The following CDH7 variants were observed in gnomAD, a reference collection of about 807,000 sequenced individuals.
The protein encoded by CDH7 is cadherin-7.
A neutral mutation model predicts 71.8 loss-of-function variants in CDH7; 25 were observed. The ratio of observed to expected loss-of-function variants is 0.35; its 90% CI spans 0.25 to 0.49. The LOEUF is 0.49. Ranked by LOEUF, CDH7 falls within the 20% of genes least tolerant of loss-of-function variation. The pLI, the probability that CDH7 is intolerant of heterozygous loss-of-function variation, is 0.99. For synonymous variants in CDH7, 381 were observed against 363.8 expected (o/e 1.05, Z -0.54); for missense variants, 862 against 974.6 (o/e 0.88, Z 1.54).
chr18:65,860,294 C>G (rs1334911302), intron 10 of CDH7, among the ~76,000 whole-genome samples: 1 of 151,932 alleles, frequency 6.6e-6, no homozygotes, highest in East Asian at 1.9e-4. Flanking sequence ...GTAATTCATG[C>G]AAATAATAAT....
At chr18:65,872,171 T>A (rs141758885) in intron 11 of CDH7, among the ~76,000 whole-genome samples, 18 of 152,086 alleles carry the variant, frequency 1.2e-4, no homozygotes, top group African/African-American at 4.3e-4. Flanking sequence ...CCACACAATT[T>A]CCCATGAAGT....
intron 11 of CDH7, among the ~76,000 whole-genome samples, chr18:65,878,436 T>C (rs150175660): frequency 2.6e-5 from 4 of 152,268 alleles, no homozygotes; most frequent in East Asian, 1.9e-4. Flanking sequence ...TGTAGGAAGG[T>C]TGGACAAGGC....
Position 65,852,764 on chromosome 18 carries a change from G to A in CDH7, c.1236-5052G>A, listed in dbSNP as rs1277643812. On this transcript the variant is annotated intron_variant, in intron 7 of 11. Coordinates refer to ENST00000397968, the MANE Select transcript of CDH7 (RefSeq NM_004361.5). ...AATAAAAGCATGGTTCTCTTAACAA[G>A]AAGTAAGAGAAATATAATTATTAGG... Among the ~76,000 whole-genome samples, 4 of 152,176 alleles carry A rather than the reference G, an allele frequency of 2.6e-5. No homozygotes were observed. In the East Asian group the frequency reaches 7.7e-4, roughly 29 times the overall value.
At chr18:65,862,987 A>T (rs1913632235) in intron 11 of CDH7, 70 bp downstream of exon 11, 9 of 1,498,924 alleles carry the variant, frequency 6.0e-6, no homozygotes, top group African/African-American at 1.4e-5. Context: ...CTTGCCTATT[A>T]TCTTCTCCAT....
intron 11 of CDH7, among the ~76,000 whole-genome samples, chr18:65,868,072 A>T (rs1913819221): frequency 1.1e-5 from 1 of 92,546 alleles, no homozygotes; most frequent in African/African-American, 3.8e-5. Flanking sequence ...GGAGAAAAAA[A>T]GTGGCAGCAC....
At chr18:65,841,282 C>T (rs1303583964) in intron 6 of CDH7, among the ~76,000 whole-genome samples, 2 of 152,014 alleles carry the variant, frequency 1.3e-5, no homozygotes, top group East Asian at 3.8e-4. Flanking sequence ...TTTAAAAAAA[C>T]AAGTTGCTGT....
intron 11 of CDH7, among the ~76,000 whole-genome samples, chr18:65,872,198 C>T (rs533963767): frequency 2.6e-5 from 4 of 152,130 alleles, no homozygotes; most frequent in African/African-American, 9.6e-5. Context: ...TCAGATAGGA[C>T]ACACATGCCA....
chr18:65,780,752 T>C (rs574132960), intron 2 of CDH7, among the ~76,000 whole-genome samples: 38 of 151,882 alleles, frequency 2.5e-4, no homozygotes, highest in African/African-American at 8.5e-4. Context: ...GCCTCCAGCT[T>C]TGTTCTTTTG....
intron 6 of CDH7, among the ~76,000 whole-genome samples, chr18:65,843,341 A>G (rs532086613): frequency 5.3e-5 from 8 of 152,130 alleles, no homozygotes; most frequent in Non-Finnish European, 1.2e-4. Context: ...CCCTGAAGCC[A>G]CACTTTGAGT....
intron 11 of CDH7, among the ~76,000 whole-genome samples, chr18:65,872,433 G>C (rs1298342527): frequency 6.6e-6 from 1 of 152,182 alleles, no homozygotes; most frequent in Non-Finnish European, 1.5e-5. Context: ...TTTCAGGAAA[G>C]TGTTTCCACT....
rs1473075603 is a variant in CDH7, at chr18:65,782,147, TTTC to T, written c.210+19098_210+19100del. 4.4e-5 allele frequency among the ~76,000 whole-genome samples: 5 copies of T among 113,180 alleles called. 1 individual carries two copies. The highest frequency in any genetic ancestry group is 1.9e-4 in the African/African-American group (4 of 21,044). 74.3% of individuals were successfully genotyped at this position (113,180 alleles called of 152,430 possible). ...CTTTCTTTCTTTCTTTCTTTCTTTC[TTTC>T]TTTCTTTCTTTCTTCCTTTCTTTCT... On this transcript the variant is annotated intron_variant, in intron 2 of 11. Transcript: ENST00000397968.
intron 2 of CDH7, among the ~76,000 whole-genome samples, chr18:65,807,667 G>C (rs1911374050): frequency 6.6e-6 from 1 of 152,194 alleles, no homozygotes; most frequent in African/African-American, 2.4e-5. Flanking sequence ...CCGGGGACTG[G>C]AAGCTTAAAA....
At chr18:65,869,952 T>C (rs1913879977) in intron 11 of CDH7, among the ~76,000 whole-genome samples, 1 of 152,162 alleles carries the variant, frequency 6.6e-6, no homozygotes, top group African/African-American at 2.4e-5. Context: ...CGCTATATTT[T>C]TAGGACATTT....
At chr18:65,758,250 C>T (rs1210729703) in intron 1 of CDH7, among the ~76,000 whole-genome samples, 3 of 152,108 alleles carry the variant, frequency 2.0e-5, no homozygotes, top group Non-Finnish European at 1.5e-5. Flanking sequence ...CTTCAGAGCC[C>T]TTATTTCTTT....
chr18:65,858,965 T>C lies in CDH7; in HGVS notation c.1413T>C (p.Thr471=). ...TAGGAAGAGGCTATGTGGCCATCAC[T>C]ATACTTGACATCAATGATAACGCCC... ...SQVGRGYVAI[T]ILDINDNAPE... Residue 471 remains threonine (T), a synonymous_variant, in exon 9 of 12, where the codon ACT becomes ACC. Coordinates refer to ENST00000397968, the MANE Select transcript of CDH7 (RefSeq NM_004361.5). 1.9e-6 allele frequency: 3 copies of C among 1,611,648 alleles called. No homozygotes were observed. The highest frequency in any genetic ancestry group is 1.7e-6 in the Non-Finnish European group (2 of 1,177,814).
rs192692288 is a variant in CDH7 at position 65,838,288 on chromosome 18, A to C, written c.982-5524A>C. Among the ~76,000 whole-genome samples the C allele has an allele frequency of 2.3e-3, 344 of 152,314 alleles. 1 individual carries two copies. Among genetic ancestry groups the C allele is most frequent in the African/African-American group, 8.0e-3 (332 of 41,572 alleles). On this transcript the variant is annotated intron_variant, in intron 6 of 11. Transcript: ENST00000397968. The stretch of plus-strand genomic sequence containing the variant: ...TTTTCCCATAGGTATGGTCTCACTC[A>C]AGCCCATTTACTTAGGAAAAAAGAT...
rs190472426 is a variant in CDH7 at position 65,880,998 on chromosome 18, C to A, written c.*104C>A. 4.8e-5 allele frequency: 54 copies of A among 1,116,516 alleles called. No homozygotes were observed. In the African/African-American group the frequency reaches 7.9e-4, roughly 16 times the overall value. 69.2% of individuals were successfully genotyped at this position (1,116,516 alleles called of 1,614,324 possible). A position where few individuals can be genotyped will look rare whatever the true frequency, so the allele number is the denominator to read the frequency against. The stretch of plus-strand genomic sequence containing the variant: ...CACTACATACAGAAAACAAGAACTC[C>A]CCTTGCTGGAGACAGATGGTTGTAA... On this transcript the variant is annotated 3_prime_UTR_variant, in exon 12 of 12. Coordinates refer to ENST00000397968, the MANE Select transcript of CDH7 (RefSeq NM_004361.5).
At chr18:65,758,189 G>T (rs1234440877) in intron 1 of CDH7, among the ~76,000 whole-genome samples, 1 of 152,154 alleles carries the variant, frequency 6.6e-6, no homozygotes, top group Admixed American at 6.5e-5. Context: ...TTTAAGTTTG[G>T]ATTACTTCTG....
chr18:65,781,572 G>C (rs1440020615), intron 2 of CDH7, among the ~76,000 whole-genome samples: 6 of 152,034 alleles, frequency 3.9e-5, no homozygotes, highest in Admixed American at 1.3e-4. Flanking sequence ...CATTGTTGGA[G>C]AGAAGGAAAT....
Sources: allele counts gnomAD v4.1 joint callset (sites outside exome capture counted in the v4.1 genomes callset), GRCh38; gene constraint gnomAD v4.1.1; transcripts MANE v1.5; gene names NCBI Gene and HGNC (gene_info 2026-07-23, HGNC 2026-07-21).